CNBD1: variants seen among roughly 807,000 people sequenced by gnomAD.
CNBD1 encodes the protein cyclic nucleotide binding domain containing 1.
A neutral mutation model predicts 54.4 loss-of-function variants in CNBD1; 71 were observed. That is an observed-to-expected ratio of 1.30 (90% CI 1.08 to 1.59). The LOEUF (loss-of-function observed/expected upper bound fraction) is 1.59. CNBD1 is among the 40% of genes most tolerant of loss of function. CNBD1 has a pLI of 0.00. For synonymous variants in CNBD1, 182 were observed against 170.7 expected (o/e 1.07, Z -0.51); for missense variants, 659 against 518.0 (o/e 1.27, Z -2.64).
At chr8:87,112,267 C>A (rs1811679299) in intron 4 of CNBD1, among the ~76,000 whole-genome samples, 1 of 152,124 alleles carries the variant, frequency 6.6e-6, no homozygotes, top group South Asian at 2.1e-4. Flanking sequence ...CCAGGGCGTT[C>A]AATTTTGAGT....
chr8:86,896,468 C>T (rs1473375336), intron 2 of CNBD1, among the ~76,000 whole-genome samples: 5 of 152,058 alleles, frequency 3.3e-5, no homozygotes, highest in African/African-American at 1.2e-4. Flanking sequence ...TTATTTGTGT[C>T]ATCTGAAATT....
At chr8:87,395,113 A>G (rs1199244395) in intron 2 of CNBD1, among the ~76,000 whole-genome samples, 2 of 151,956 alleles carry the variant, frequency 1.3e-5, no homozygotes, top group Non-Finnish European at 2.9e-5. Flanking sequence ...AACTAGGCAA[A>G]TATGACTATA....
At chr8:86,962,471 G>T (rs577696379) in intron 4 of CNBD1, among the ~76,000 whole-genome samples, 2 of 152,186 alleles carry the variant, frequency 1.3e-5, no homozygotes, top group African/African-American at 4.8e-5. Flanking sequence ...TATCCTTCCT[G>T]CTACCAGTTT....
At chr8:87,015,773 A>G (rs1353426231) in intron 4 of CNBD1, among the ~76,000 whole-genome samples, 1 of 151,968 alleles carries the variant, frequency 6.6e-6, no homozygotes, top group Non-Finnish European at 1.5e-5. Context: ...TCAGGTCAGG[A>G]GTTTGAGACA....
intron 4 of CNBD1, among the ~76,000 whole-genome samples, chr8:87,033,211 T>C (rs1809832013): frequency 6.6e-6 from 1 of 152,200 alleles, no homozygotes; most frequent in African/African-American, 2.4e-5. Flanking sequence ...TGACAATTTC[T>C]TACGCAGAGT....
Position 86,866,495 on chromosome 8 carries a change from G to T in CNBD1, c.-1G>T, listed in dbSNP as rs1349111972. On this transcript the variant is annotated 5_prime_UTR_variant, in exon 1 of 11. Transcript: ENST00000518476. ...CATCTATCTGCCTTTGAGCCATCAA[G>T]ATGCCGATGTCTTCTCTTCCAGCAG... The T allele has an allele frequency of 6.2e-7, 1 of 1,609,298 alleles. No homozygotes were observed. The highest frequency in any genetic ancestry group is 2.2e-5 in the East Asian group (1 of 44,758).
intron 4 of CNBD1, among the ~76,000 whole-genome samples, chr8:87,092,567 G>A (rs918662971): frequency 6.7e-6 from 1 of 149,828 alleles, no homozygotes; most frequent in African/African-American, 2.5e-5. Context: ...ACACATATGT[G>A]TGTGTGTGTA....
intron 8 of CNBD1, among the ~76,000 whole-genome samples, chr8:87,323,409 T>A (rs2130902145): frequency 7.1e-6 from 1 of 140,244 alleles, no homozygotes; most frequent in South Asian, 2.2e-4. Flanking sequence ...ACGGCCATTT[T>A]CACGATATTG....
chr8:87,238,499 C>A (rs1807625946), intron 6 of CNBD1, among the ~76,000 whole-genome samples: 1 of 152,070 alleles, frequency 6.6e-6, no homozygotes, highest in South Asian at 2.1e-4. Flanking sequence ...TGTATCAAGG[C>A]TTTAATGTCA....
At chr8:87,002,863 G>C (rs1809021381) in intron 4 of CNBD1, among the ~76,000 whole-genome samples, 1 of 151,920 alleles carries the variant, frequency 6.6e-6, no homozygotes. Context: ...TGTCTTTCTT[G>C]TTGACTGTGG....
intron 4 of CNBD1, among the ~76,000 whole-genome samples, chr8:87,044,056 T>C (rs1341965632): frequency 6.6e-6 from 1 of 152,224 alleles, no homozygotes; most frequent in Admixed American, 6.5e-5. Flanking sequence ...TATATGTTAA[T>C]GCAAGATAGA....
At chr8:86,874,105 C>A (rs999744348) in intron 1 of CNBD1, among the ~76,000 whole-genome samples, 12 of 152,138 alleles carry the variant, frequency 7.9e-5, no homozygotes, top group African/African-American at 2.9e-4. Context: ...TATGCCAGCA[C>A]CATACTGTTA....
In CNBD1 at chr8:87,001,629, A is replaced by G. The variant is rs182489918; in HGVS notation, c.431+61875A>G. Among the ~76,000 whole-genome samples the G allele has an allele frequency of 5.9e-5, 9 of 152,306 alleles. No individual in the cohort carries two copies. The East Asian group carries it at 1.4e-3, about 23-fold the overall frequency. ...AATATGTGTTTATTTAATTAATTCA[A>G]TCATTCATTTCTGTAATCACTCATT... On this transcript the variant is annotated intron_variant, in intron 4 of 10. Transcript: ENST00000518476.
At chr8:86,969,311 C>A (rs78782083) in intron 4 of CNBD1, among the ~76,000 whole-genome samples, 3 of 151,936 alleles carry the variant, frequency 2.0e-5, no homozygotes, top group Admixed American at 2.0e-4. Flanking sequence ...CAAATAAGAA[C>A]GCAGATATTT....
intron 4 of CNBD1, among the ~76,000 whole-genome samples, chr8:87,015,750 C>A (rs186409762): frequency 6.6e-6 from 1 of 151,792 alleles, no homozygotes; most frequent in Non-Finnish European, 1.5e-5. Context: ...GAGGCCGAGG[C>A]GGGTGGATCA....
intron 5 of CNBD1, among the ~76,000 whole-genome samples, chr8:87,208,106 A>T (rs1814016610): frequency 6.6e-6 from 1 of 151,982 alleles, no homozygotes; most frequent in Non-Finnish European, 1.5e-5. Flanking sequence ...GCCCCTCATC[A>T]CCAGGCTGCT....
intron 4 of CNBD1, among the ~76,000 whole-genome samples, chr8:87,000,231 G>A (rs139170978): frequency 0.012 from 1,808 of 152,140 alleles, 19 homozygotes; most frequent in Non-Finnish European, 0.018. Flanking sequence ...TGAGTTCTTA[G>A]GAGATCTGAT....
chr8:87,280,625 GA>G (rs1352740319), intron 6 of CNBD1, among the ~76,000 whole-genome samples: 2 of 151,250 alleles, frequency 1.3e-5, no homozygotes, highest in Non-Finnish European at 3.0e-5. Flanking sequence ...AAAAGCAATG[GA>G]AAAAATAAGG....
chr8:87,145,776 T>C (rs909059482), intron 4 of CNBD1, among the ~76,000 whole-genome samples: 19 of 152,158 alleles, frequency 1.2e-4, no homozygotes, highest in African/African-American at 4.6e-4. Context: ...TGAGGATTTC[T>C]GGGTTGTCGA....
Sources: gnomAD v4.1 joint callset for allele counts (sites outside exome capture counted in the v4.1 genomes callset) on GRCh38, gnomAD v4.1.1 for gene constraint, MANE v1.5 for transcripts, NCBI Gene and HGNC (gene_info 2026-07-23, HGNC 2026-07-21) for gene names.